The following ZNF787 variants were observed in gnomAD, a reference collection of about 807,000 sequenced individuals.
ZNF787 encodes zinc finger protein 787.
A neutral mutation model predicts 16.9 loss-of-function variants in ZNF787; 7 were observed. The observed-to-expected ratio is 0.42, with a 90% confidence interval of 0.24 to 0.78. ZNF787 has a LOEUF of 0.78. Among genes scored for constraint, ZNF787 ranks in the 30% least tolerant of loss-of-function variants. The probability of loss-of-function intolerance (pLI) is 0.30; values close to 1 mark genes in which losing one functional copy is unlikely to be tolerated. For synonymous variants in ZNF787, 345 were observed against 270.9 expected (o/e 1.27, Z -2.69); for missense variants, 551 against 589.3 (o/e 0.94, Z 0.67).
chr19:56,094,160 A>G (rs1235481803), intron 2 of ZNF787, among the ~76,000 whole-genome samples: 2 of 140,842 alleles, frequency 1.4e-5, no homozygotes, highest in Non-Finnish European at 3.1e-5. Flanking sequence ...AGTAGCAGGG[A>G]TTACAGGCAT....
intron 1 of ZNF787, among the ~76,000 whole-genome samples, chr19:56,112,406 A>C (rs1253691631): frequency 6.6e-6 from 1 of 152,160 alleles, no homozygotes; most frequent in African/African-American, 2.4e-5. Context: ...CACCTGGAGC[A>C]CGGGCAGGGG....
chr19:56,116,848 C>T (rs2030151544), intron 1 of ZNF787, among the ~76,000 whole-genome samples: 1 of 152,190 alleles, frequency 6.6e-6, no homozygotes, highest in African/African-American at 2.4e-5. Context: ...TCCCAGACTG[C>T]TCCCTTCCCT....
intron 2 of ZNF787, chr19:56,102,666 C>CA (rs1436154354): frequency 1.9e-6 from 1 of 514,920 alleles, no homozygotes; most frequent in African/African-American, 1.9e-5. Flanking sequence ...GGGTTCCCTG[C>CA]ACTCCTGAGC....
At chr19:56,094,936 C>T (rs891737927) in intron 2 of ZNF787, among the ~76,000 whole-genome samples, 2 of 152,048 alleles carry the variant, frequency 1.3e-5, no homozygotes, top group African/African-American at 2.4e-5. Context: ...TGTGGTGAAA[C>T]CCCATCTTAA....
At chr19:56,114,630 C>T (rs1362574160) in intron 1 of ZNF787, among the ~76,000 whole-genome samples, 1 of 152,208 alleles carries the variant, frequency 6.6e-6, no homozygotes, top group Non-Finnish European at 1.5e-5. Flanking sequence ...GCCCACACCC[C>T]ACCTTTCCCA....
chr19:56,088,331 C>T lies in ZNF787; in HGVS notation c.841G>A (p.Val281Met), dbSNP rs962614299. The T allele has an allele frequency of 3.2e-6, 4 of 1,240,230 alleles. No homozygotes were observed. Among genetic ancestry groups the T allele is most frequent in the Admixed American group, 4.5e-5 (1 of 22,086 alleles). 76.8% of individuals were successfully genotyped at this position (1,240,230 alleles called of 1,614,324 possible). ...SRRAPAPKPY[V>M]CLECGKGFGH... ...AAGCCCTTCCCGCACTCCAGACACA[C>T]GTACGGCTTGGGGGCCGGGGCGCGC... Residue 281 changes from valine to methionine, a missense_variant, in exon 3 of 3, where the codon GTG becomes ATG. Val to Met is a conservative substitution (Grantham distance 21). Around this residue, in one of 4 missense-constraint regions of ZNF787, gnomAD observed 392 missense variants for 312.7 expected, o/e 1.25. Coordinates refer to ENST00000610935, the MANE Select transcript of ZNF787 (RefSeq NM_001002836.4). The surrounding 1 kb of genome is among the most constrained non-coding windows in gnomAD (Gnocchi z 8.6).
At chr19:56,116,314 C>T (rs1044247349) in intron 1 of ZNF787, among the ~76,000 whole-genome samples, 1 of 151,970 alleles carries the variant, frequency 6.6e-6, no homozygotes, top group Non-Finnish European at 1.5e-5. Context: ...TGGTGGCGGG[C>T]GCCTGTAGTC....
intron 1 of ZNF787, among the ~76,000 whole-genome samples, chr19:56,119,786 T>C (rs1191178274): frequency 1.3e-5 from 2 of 152,244 alleles, no homozygotes; most frequent in African/African-American, 4.8e-5. Flanking sequence ...AGGCCGTGCG[T>C]GGCCGGAGGA....
intron 1 of ZNF787, among the ~76,000 whole-genome samples, chr19:56,109,502 G>A (rs1474415751): frequency 1.3e-5 from 2 of 152,190 alleles, no homozygotes; most frequent in African/African-American, 4.8e-5. Context: ...AAGGATTTTA[G>A]TTACTTTTTC....
chr19:56,094,187 CTT>C (rs572443571), intron 2 of ZNF787, among the ~76,000 whole-genome samples: 31 of 105,442 alleles, frequency 2.9e-4, no homozygotes, highest in African/African-American at 3.5e-4. Flanking sequence ...TCATGCCCGG[CTT>C]TTTTTTTTTT....
At chr19:56,105,520 ACCT>A (rs1306238366) in intron 1 of ZNF787, 3 of 151,660 alleles carry the variant, frequency 2.0e-5, no homozygotes, top group African/African-American at 4.9e-5. Context: ...GAACAAAAAA[ACCT>A]CCTACCTCCC....
intron 1 of ZNF787, among the ~76,000 whole-genome samples, chr19:56,109,809 G>A (rs960998751): frequency 4.6e-5 from 7 of 151,704 alleles, no homozygotes; most frequent in African/African-American, 9.7e-5. Context: ...GCGTGAACCC[G>A]GGAGGCGGAG....
At chr19:56,089,583 C>G (rs1157184963) in intron 2 of ZNF787, among the ~76,000 whole-genome samples, 1 of 152,152 alleles carries the variant, frequency 6.6e-6, no homozygotes, top group Non-Finnish European at 1.5e-5. Context: ...GACGTGCCCG[C>G]CAGGGAGCGA....
At chr19:56,108,036 C>T (rs574161379) in intron 1 of ZNF787, among the ~76,000 whole-genome samples, 47 of 152,148 alleles carry the variant, frequency 3.1e-4, no homozygotes, top group Non-Finnish European at 4.3e-4. Flanking sequence ...AACATGAGGC[C>T]GGCAGGGCGA....
chr19:56,115,020 T>A (rs1168503996), intron 1 of ZNF787, among the ~76,000 whole-genome samples: 1 of 152,142 alleles, frequency 6.6e-6, no homozygotes. Flanking sequence ...TCCGCCTGGA[T>A]CTGCAGGCTA....
chr19:56,087,921 C>T lies in ZNF787; in HGVS notation c.*102G>A, dbSNP rs1316944986. On this transcript the variant is annotated 3_prime_UTR_variant, in exon 3 of 3. Coordinates refer to ENST00000610935, the MANE Select transcript of ZNF787 (RefSeq NM_001002836.4). ...GGGGAGCCGGGGATGCCGCGGGGTC[C>T]ATCGCACCCCGTCCGCTTCTCCCTG... 7.8e-7 allele frequency: 1 copy of T among 1,281,750 alleles called. No homozygotes were observed. The highest frequency in any genetic ancestry group is 9.9e-7 in the Non-Finnish European group (1 of 1,014,832). The allele number at this position is 1,281,750 out of a possible 1,614,324, so 79.4% of individuals were successfully genotyped here.
chr19:56,099,616 C>G (rs1986010603), intron 2 of ZNF787, among the ~76,000 whole-genome samples: 1 of 148,138 alleles, frequency 6.8e-6, no homozygotes, highest in African/African-American at 2.5e-5. Context: ...GAGGCTGAGG[C>G]AGGAGAATCG....
intron 1 of ZNF787, among the ~76,000 whole-genome samples, chr19:56,118,658 A>G (rs1313565541): frequency 1.3e-5 from 2 of 152,174 alleles, no homozygotes; most frequent in African/African-American, 4.8e-5. Flanking sequence ...AGTGTGCACC[A>G]GCAAGTGTTG....
At chr19:56,116,052 T>C (rs1194747400) in intron 1 of ZNF787, among the ~76,000 whole-genome samples, 3 of 151,992 alleles carry the variant, frequency 2.0e-5, no homozygotes, top group African/African-American at 7.3e-5. Flanking sequence ...GAGTTGACAG[T>C]GCGGGGGCTG....
Sources: allele counts gnomAD v4.1 joint callset (sites outside exome capture counted in the v4.1 genomes callset), GRCh38; gene constraint gnomAD v4.1.1; regional missense constraint gnomAD v4.1.1; non-coding constraint Gnocchi (gnomAD v3.1); transcripts MANE v1.5; gene names NCBI Gene and HGNC (gene_info 2026-07-23, HGNC 2026-07-21).